The following SPIRE1 variants were observed in gnomAD, a reference collection of about 807,000 sequenced individuals.
SPIRE1 encodes the protein spire type actin nucleation factor 1.
In SPIRE1, 40 loss-of-function variants were observed where a neutral mutation model predicts 94.1. That is an observed-to-expected ratio of 0.43 (90% CI 0.33 to 0.55). The LOEUF is 0.55. SPIRE1 is among the 20% of genes least tolerant of loss of function. The pLI is 0.06. For synonymous variants in SPIRE1, 376 were observed against 371.7 expected (o/e 1.01, Z -0.13); for missense variants, 838 against 975.2 (o/e 0.86, Z 1.87).
chr18:12,492,883 T>C (rs1162979242), intron 8 of SPIRE1, among the ~76,000 whole-genome samples, 189 bp downstream of exon 8: 1 of 151,842 alleles, frequency 6.6e-6, no homozygotes, highest in Non-Finnish European at 1.5e-5. Flanking sequence ...TTCAAGTAAG[T>C]GTGAGGGGGT....
intron 16 of SPIRE1, 32 bp from the exon 17 acceptor site, chr18:12,449,928 T>C (rs763385077): frequency 6.2e-7 from 1 of 1,605,600 alleles, no homozygotes; most frequent in Non-Finnish European, 8.5e-7. Flanking sequence ...AGCCCAGCAT[T>C]GTTACTTATA....
chr18:12,622,006 C>T (rs1381876020), intron 2 of SPIRE1, among the ~76,000 whole-genome samples: 4 of 152,068 alleles, frequency 2.6e-5, no homozygotes, highest in Admixed American at 6.6e-5. Flanking sequence ...GAGAATATGT[C>T]GAGACACCAT....
intron 2 of SPIRE1, among the ~76,000 whole-genome samples, chr18:12,602,408 CA>C (rs1275804137): frequency 6.6e-6 from 1 of 152,154 alleles, no homozygotes; most frequent in African/African-American, 2.4e-5. Flanking sequence ...TCTATCAATT[CA>C]TATACTGGCT....
Position 12,535,487 on chromosome 18 carries a change from T to C in SPIRE1, c.718A>G (p.Ser240Gly). Residue 240 changes from serine (S) to glycine (G), a missense_variant, in exon 4 of 17, where the codon AGT (serine) becomes GGT (glycine). This residue lies in a region of SPIRE1 where 645 missense variants were observed against 804.7 expected (regional missense o/e 0.80). Coordinates refer to ENST00000409402, the MANE Select transcript of SPIRE1 (RefSeq NM_001128626.2). ...ELHTFLTKIK[S>G]AKENLKKIQE... ...GCAGTAGTACTCACCTCTTTCGCACTCTTAATTTTGGTCAGAAATGTATGG... is the reference window on the plus strand; with the variant it reads ...GCAGTAGTACTCACCTCTTTCGCACCCTTAATTTTGGTCAGAAATGTATGG... The C allele has an allele frequency of 6.2e-7, 1 of 1,612,864 alleles. No homozygotes were observed. Among genetic ancestry groups the C allele is most frequent in the Non-Finnish European group, 8.5e-7 (1 of 1,179,126 alleles).
At chr18:12,615,345 A>AAAAAAAATAAAAAAAAAAATATATAT in intron 2 of SPIRE1, among the ~76,000 whole-genome samples, 1 of 17,242 alleles carries the variant, frequency 5.8e-5, no homozygotes, top group Non-Finnish European at 1.9e-4. Context: ...AAAAAAAAAA[A>AAAAAAAATAAAAAAAAAAATATATAT]ATATATATAT....
Position 12,454,310 on chromosome 18 carries a change from C to T in SPIRE1, c.1776+36G>A, listed in dbSNP as rs765093128. Reference sequence around the variant, plus strand: ...ACTATGCATGGGACTGGCCATCCTTCTACTCTTCTGATCAATCAACTTTAA... The same window carrying T: ...ACTATGCATGGGACTGGCCATCCTTTTACTCTTCTGATCAATCAACTTTAA... On this transcript the variant is annotated intron_variant, in intron 13 of 16. Transcript: ENST00000409402. The T allele has an allele frequency of 3.9e-5, 63 of 1,611,576 alleles. No individual in the cohort carries two copies. The East Asian group carries it at 1.3e-3, about 34-fold the overall frequency.
chr18:12,622,139 A>C (rs1286582227), intron 2 of SPIRE1, among the ~76,000 whole-genome samples: 1 of 152,174 alleles, frequency 6.6e-6, no homozygotes. Flanking sequence ...TTCAGTCACC[A>C]GGCATTTCTG....
chr18:12,599,401 C>T (rs1419602292), intron 2 of SPIRE1, among the ~76,000 whole-genome samples: 3 of 152,162 alleles, frequency 2.0e-5, no homozygotes. Flanking sequence ...GCTAGGACTA[C>T]AGGTACGCCC....
At position 12,499,407 on chromosome 18, in the gene SPIRE1, G is replaced by A. The variant is rs375175739; in HGVS notation, c.973-3305C>T. Among the ~76,000 whole-genome samples the A allele has an allele frequency of 3.9e-5, 6 of 152,026 alleles. No individual in the cohort carries two copies. The East Asian group carries it at 1.2e-3, about 29-fold the overall frequency. On this transcript the variant is annotated intron_variant, in intron 6 of 16. Coordinates refer to ENST00000409402, the MANE Select transcript of SPIRE1 (RefSeq NM_001128626.2). ...ATCTTTGTTGTAAGTTGTAAAATGG[G>A]GATGTGTGAGTCCACCAACTTTTTC...
chr18:12,563,050 C>T (rs560251244), intron 2 of SPIRE1, among the ~76,000 whole-genome samples: 291 of 151,990 alleles, frequency 1.9e-3, no homozygotes, highest in African/African-American at 6.5e-3. Flanking sequence ...GGTGACAACA[C>T]GAATATGCTA....
intron 16 of SPIRE1, 29 bp from the exon 17 acceptor site, chr18:12,449,925 C>A (rs752423437): frequency 6.2e-7 from 1 of 1,606,330 alleles, no homozygotes; most frequent in Admixed American, 1.7e-5. Flanking sequence ...AGAAGCCCAG[C>A]ATTGTTACTT....
At chr18:12,552,743 C>T (rs145105247) in intron 2 of SPIRE1, among the ~76,000 whole-genome samples, 96 of 152,212 alleles carry the variant, frequency 6.3e-4, no homozygotes, top group Non-Finnish European at 1.2e-3. Flanking sequence ...AACCCTCTCA[C>T]GTGGACCCCC....
chr18:12,600,282 C>G (rs1345518296), intron 2 of SPIRE1, among the ~76,000 whole-genome samples: 1 of 152,092 alleles, frequency 6.6e-6, no homozygotes, highest in East Asian at 1.9e-4. Context: ...TAAGCCAGGC[C>G]AGACTCCTAA....
At chr18:12,650,004 CCAAGG>C (rs1364591538) in intron 1 of SPIRE1, among the ~76,000 whole-genome samples, 2 of 152,030 alleles carry the variant, frequency 1.3e-5, no homozygotes, top group Non-Finnish European at 2.9e-5. Flanking sequence ...CTTTGGGAGA[CCAAGG>C]CAGGCAGATA....
intron 2 of SPIRE1, among the ~76,000 whole-genome samples, chr18:12,558,729 T>C (rs1357702402): frequency 2.0e-5 from 3 of 151,304 alleles, no homozygotes; most frequent in South Asian, 2.1e-4. Flanking sequence ...TAGCTAGATA[T>C]AGAGTGCTGA....
intron 1 of SPIRE1, among the ~76,000 whole-genome samples, chr18:12,651,584 G>C (rs922303647): frequency 6.6e-6 from 1 of 152,056 alleles, no homozygotes; most frequent in Admixed American, 6.6e-5. Context: ...TGAGGCAGGA[G>C]AATCGCTTGA....
intron 2 of SPIRE1, among the ~76,000 whole-genome samples, chr18:12,598,795 G>A (rs1202058740): frequency 6.6e-6 from 1 of 152,158 alleles, no homozygotes; most frequent in African/African-American, 2.4e-5. Flanking sequence ...CTGAGTATTT[G>A]ATAAGACTGT....
At chr18:12,487,180 C>T (rs534886594) in intron 8 of SPIRE1, among the ~76,000 whole-genome samples, 1 of 152,156 alleles carries the variant, frequency 6.6e-6, no homozygotes, top group East Asian at 1.9e-4. Context: ...TTGCATGTTT[C>T]CTGAATATTA....
chr18:12,612,769 C>A (rs2037179088), intron 2 of SPIRE1, among the ~76,000 whole-genome samples: 1 of 152,224 alleles, frequency 6.6e-6, no homozygotes, highest in African/African-American at 2.4e-5. Flanking sequence ...AGGTGCATGG[C>A]AGGTGCATGC....
Sources: gnomAD v4.1 joint callset for allele counts (sites outside exome capture counted in the v4.1 genomes callset) on GRCh38, gnomAD v4.1.1 for gene constraint, gnomAD v4.1.1 regional missense constraint, MANE v1.5 for transcripts, NCBI Gene and HGNC (gene_info 2026-07-23, HGNC 2026-07-21) for gene names.